Variants in PTGER4 observed in about 807,000 individuals in gnomAD.
PTGER4 encodes the protein prostaglandin E receptor 4, also known as prostaglandin E2 receptor EP4 subtype.
In PTGER4, 11 loss-of-function variants were observed where a neutral mutation model predicts 33.2. That is an observed-to-expected ratio of 0.33 (90% CI 0.21 to 0.55). The LOEUF (loss-of-function observed/expected upper bound fraction) is 0.55. Among genes scored for constraint, PTGER4 ranks in the 20% least tolerant of loss-of-function variants. The probability of loss-of-function intolerance (pLI) is 0.92; values close to 1 mark genes in which losing one functional copy is unlikely to be tolerated. For synonymous variants in PTGER4, 275 were observed against 281.5 expected, an observed-to-expected ratio of 0.98 and a Z score of 0.23; for missense variants, 481 against 650.2, an observed-to-expected ratio of 0.74 and a Z score of 2.83.
At chr5:40,724,311 C>G in the PTGER4 span, among the ~76,000 whole-genome samples, 1 of 152,160 alleles carries the variant, frequency 6.6e-6, no homozygotes, top group Non-Finnish European at 1.5e-5. Context: ...TACGATATCT[C>G]TAAAACAGGC....
intron 2 of PTGER4, among the ~76,000 whole-genome samples, chr5:40,688,365 C>G (rs1295017463): frequency 6.6e-6 from 1 of 152,250 alleles, no homozygotes; most frequent in East Asian, 1.9e-4. Flanking sequence ...TTCGCATAAA[C>G]CCGGCCGTAG....
rs1359048734 is a variant in PTGER4, at chr5:40,691,940, G to C, written c.1029G>C (p.Lys343Asn). Residue 343 changes from lysine (K) to asparagine (N), a missense_variant, in exon 3 of 3, where the codon AAG becomes AAC. Coordinates refer to ENST00000302472, the MANE Select transcript of PTGER4 (RefSeq NM_000958.3). This position sits in a 1 kb window ranked among gnomAD's most constrained non-coding sequence, Gnocchi z 4.2. ...CAGTGCTCAGTAAAGCAATAGAGAA[G>C]ATCAAATGCCTCTTCTGCCGCATTG... ...RKTVLSKAIEKIKCLFCRIGG... is the reference protein window; with the variant it reads ...RKTVLSKAIENIKCLFCRIGG... 2.5e-6 allele frequency: 4 copies of C among 1,614,144 alleles called. No individual in the cohort carries two copies. The Admixed American group carries it at 6.7e-5, about 27-fold the overall frequency.
At chr5:40,724,735 TACA>T in the PTGER4 span, among the ~76,000 whole-genome samples, 879 of 152,196 alleles carry the variant, frequency 5.8e-3, 5 homozygotes, top group African/African-American at 0.019. Context: ...AGTGTCAACA[TACA>T]ACATTTATAA....
At position 40,693,302 on chromosome 5, in the gene PTGER4, A is replaced by C; in HGVS notation, c.*924A>C. On this transcript the variant is annotated 3_prime_UTR_variant, in exon 3 of 3. Coordinates refer to ENST00000302472, the MANE Select transcript of PTGER4 (RefSeq NM_000958.3). Reference sequence around the variant, plus strand: ...TCTTTAATAAATAACCCATAATTGAAGTGTATAATATAAAAAATTTTAAAA... The same window carrying C: ...TCTTTAATAAATAACCCATAATTGACGTGTATAATATAAAAAATTTTAAAA... The C allele has an allele frequency of 1.0e-6, 1 of 970,854 alleles. No individual in the cohort carries two copies. The highest frequency in any genetic ancestry group is 1.2e-6 in the Non-Finnish European group (1 of 816,468). 60.1% of individuals were successfully genotyped at this position (970,854 alleles called of 1,614,324 possible).
chr5:40,729,431 C>G, the PTGER4 span, among the ~76,000 whole-genome samples: 1 of 152,184 alleles, frequency 6.6e-6, no homozygotes, highest in African/African-American at 2.4e-5. Flanking sequence ...TTCAAGTGCT[C>G]AAAGGTTTTC....
At chr5:40,723,142 C>T in the PTGER4 span, among the ~76,000 whole-genome samples, 1 of 151,918 alleles carries the variant, frequency 6.6e-6, no homozygotes, top group Non-Finnish European at 1.5e-5. Context: ...ACCCCCAACC[C>T]CGTGCTCTCT....
the PTGER4 span, among the ~76,000 whole-genome samples, chr5:40,711,285 A>T: frequency 2.0e-5 from 3 of 152,170 alleles, no homozygotes; most frequent in Non-Finnish European, 4.4e-5. Flanking sequence ...AGCCTATGAA[A>T]AGATGCTCAA....
the PTGER4 span, among the ~76,000 whole-genome samples, chr5:40,707,085 G>T: frequency 6.6e-6 from 1 of 152,166 alleles, no homozygotes; most frequent in Non-Finnish European, 1.5e-5. Context: ...ATGCCAAATT[G>T]TAAAGACCAT....
At chr5:40,742,388 T>C in the PTGER4 span, among the ~76,000 whole-genome samples, 3 of 152,188 alleles carry the variant, frequency 2.0e-5, no homozygotes, top group Non-Finnish European at 4.4e-5. Flanking sequence ...ATTAAGTACA[T>C]TACATACGTA....
the PTGER4 span, among the ~76,000 whole-genome samples, chr5:40,709,764 T>C: frequency 2.6e-5 from 4 of 151,934 alleles, no homozygotes; most frequent in African/African-American, 7.2e-5. Context: ...GGAGGCATCA[T>C]GCTACCTGAC....
At chr5:40,722,484 T>G in the PTGER4 span, among the ~76,000 whole-genome samples, 6 of 146,694 alleles carry the variant, frequency 4.1e-5, no homozygotes, top group Non-Finnish European at 8.9e-5. Flanking sequence ...TGGCGGCCCA[T>G]CGTCTGGGAT....
chr5:40,732,922 C>G, the PTGER4 span, among the ~76,000 whole-genome samples: 2 of 152,032 alleles, frequency 1.3e-5, no homozygotes, highest in Non-Finnish European at 2.9e-5. Flanking sequence ...ATAACAGATT[C>G]TATCTACCTC....
chr5:40,731,782 T>C, the PTGER4 span, among the ~76,000 whole-genome samples: 1 of 152,196 alleles, frequency 6.6e-6, no homozygotes, highest in African/African-American at 2.4e-5. Context: ...TCTTCATCTA[T>C]TCAAAGGCTC....
At chr5:40,728,897 A>G in the PTGER4 span, among the ~76,000 whole-genome samples, 3 of 152,190 alleles carry the variant, frequency 2.0e-5, no homozygotes, top group African/African-American at 7.2e-5. Context: ...TATGTTATAA[A>G]AAGTATTTAA....
the PTGER4 span, among the ~76,000 whole-genome samples, chr5:40,744,296 C>T: frequency 2.6e-4 from 39 of 152,074 alleles, no homozygotes; most frequent in Admixed American, 1.3e-4. Flanking sequence ...ATTTATTTTC[C>T]ACCCTTTATT....
the PTGER4 span, among the ~76,000 whole-genome samples, chr5:40,718,790 A>G: frequency 6.6e-6 from 1 of 152,056 alleles, no homozygotes; most frequent in Admixed American, 6.6e-5. Context: ...AATCCCAGCT[A>G]ATTTGGAGGC....
chr5:40,739,916 G>T, the PTGER4 span, among the ~76,000 whole-genome samples: 1 of 152,022 alleles, frequency 6.6e-6, no homozygotes, highest in African/African-American at 2.4e-5. Context: ...TTAGATTTGG[G>T]AATAATACTA....
At chr5:40,740,759 T>C in the PTGER4 span, among the ~76,000 whole-genome samples, 4 of 152,222 alleles carry the variant, frequency 2.6e-5, no homozygotes, top group African/African-American at 9.6e-5. Context: ...CAAGCATAGC[T>C]CTCCCAGATT....
At chr5:40,725,319 C>T in the PTGER4 span, among the ~76,000 whole-genome samples, 1 of 152,088 alleles carries the variant, frequency 6.6e-6, no homozygotes, top group Non-Finnish European at 1.5e-5. Flanking sequence ...TCTCAATCAT[C>T]TTCCTTTTGT....
Sources: allele counts gnomAD v4.1 joint callset (sites outside exome capture counted in the v4.1 genomes callset), GRCh38; gene constraint gnomAD v4.1.1; non-coding constraint Gnocchi (gnomAD v3.1); transcripts MANE v1.5; gene names NCBI Gene and HGNC (gene_info 2026-07-23, HGNC 2026-07-21).